The following MTX2 variants were observed in gnomAD, a reference collection of about 807,000 sequenced individuals.
The protein encoded by MTX2 is metaxin 2, also known as metaxin-2.
A neutral mutation model predicts 42.3 loss-of-function variants in MTX2; 35 were observed. That is an observed-to-expected ratio of 0.83 (90% CI 0.63 to 1.10). The LOEUF (loss-of-function observed/expected upper bound fraction) is 1.10. Ranked by LOEUF, MTX2 falls within the 50% of genes least tolerant of loss-of-function variation. The pLI is 0.00. For missense variants in MTX2, 307 were observed against 304.1 expected, an observed-to-expected ratio of 1.01 and a Z score of -0.07; for synonymous variants, 119 against 100.9, an observed-to-expected ratio of 1.18 and a Z score of -1.08.
At chr2:176,324,833 G>A (rs571257945) in intron 4 of MTX2, among the ~76,000 whole-genome samples, 1 of 151,702 alleles carries the variant, frequency 6.6e-6, no homozygotes, top group Non-Finnish European at 1.5e-5. Flanking sequence ...GATGAAAATG[G>A]CACTTTCTAC....
intron 1 of MTX2, among the ~76,000 whole-genome samples, chr2:176,274,882 A>G (rs1692910606): frequency 6.6e-6 from 1 of 152,180 alleles, no homozygotes; most frequent in African/African-American, 2.4e-5. Flanking sequence ...TAGAAAAGCT[A>G]GGAGGAAGTG....
At chr2:176,326,947 C>A in intron 5 of MTX2, 46 bp downstream of exon 5, 2 of 1,164,738 alleles carry the variant, frequency 1.7e-6, no homozygotes, top group Non-Finnish European at 2.5e-6. Flanking sequence ...CCAAGTCATT[C>A]ATCATTCTTT....
chr2:176,273,567 C>T (rs894277098), intron 1 of MTX2, among the ~76,000 whole-genome samples: 4 of 152,086 alleles, frequency 2.6e-5, no homozygotes, highest in Admixed American at 1.3e-4. Context: ...AGATATCTGG[C>T]ATCTCTCTGT....
chr2:176,313,386 T>TTG (rs1684362562), intron 3 of MTX2, among the ~76,000 whole-genome samples: 1 of 136,844 alleles, frequency 7.3e-6, no homozygotes, highest in South Asian at 2.4e-4. Flanking sequence ...TCTACACTGA[T>TTG]TCTTTTTTTT....
intron 9 of MTX2, among the ~76,000 whole-genome samples, chr2:176,331,439 C>A (rs1684861095): frequency 6.6e-6 from 1 of 150,956 alleles, no homozygotes; most frequent in South Asian, 2.1e-4. Flanking sequence ...TTAATAATTT[C>A]TAAAAGGCTT....
intron 1 of MTX2, among the ~76,000 whole-genome samples, chr2:176,277,949 G>C (rs1388829927): frequency 3.3e-5 from 5 of 151,578 alleles, no homozygotes; most frequent in African/African-American, 1.2e-4. Flanking sequence ...TGACAAAATA[G>C]GTTATACTTC....
In MTX2 at chr2:176,337,399, G is replaced by A. The variant is rs913991251; in HGVS notation, c.621-94G>A. 9.4e-6 allele frequency: 10 copies of A among 1,068,414 alleles called. No homozygotes were observed. The Middle Eastern group carries it at 6.5e-4, about 69-fold the overall frequency. 66.2% of individuals were successfully genotyped at this position (1,068,414 alleles called of 1,614,324 possible). A position where few individuals can be genotyped will look rare whatever the true frequency, so the allele number is the denominator to read the frequency against. On this transcript the variant is annotated intron_variant, in intron 9 of 9. Transcript: ENST00000249442. ...TGGATCTGAGGTTAGTTGAACCTAC[G>A]AGTATGGGACCTGTGGGTGAAGAGG...
rs76843892 is a variant in MTX2 at position 176,324,752 on chromosome 2, C to T, written c.208+1288C>T. On this transcript the variant is annotated intron_variant, in intron 4 of 9. Coordinates refer to ENST00000249442, the MANE Select transcript of MTX2 (RefSeq NM_006554.5). ...CCTATTTTCTTTTTATTAGATTGCG[C>T]GAAAGACAAACATAAATATTCTAGA... is the stretch of plus-strand genomic sequence containing the variant. Among the ~76,000 whole-genome samples, 1,328 of 151,508 alleles carry T rather than the reference C, an allele frequency of 8.8e-3. 23 individuals carry two copies. The highest frequency in any genetic ancestry group is 0.03 in the African/African-American group (1,247 of 41,422).
chr2:176,312,154 A>G (rs906096052), intron 3 of MTX2, among the ~76,000 whole-genome samples: 12 of 152,258 alleles, frequency 7.9e-5, no homozygotes, highest in African/African-American at 2.7e-4. Flanking sequence ...TGAACTTAAC[A>G]AGAGTTACAT....
chr2:176,324,625 G>A (rs1039120515), intron 4 of MTX2, among the ~76,000 whole-genome samples: 1 of 151,578 alleles, frequency 6.6e-6, no homozygotes, highest in Non-Finnish European at 1.5e-5. Flanking sequence ...TAGAAGGTTA[G>A]TAATCTAATG....
Position 176,337,845 on chromosome 2 carries a change from T to G in MTX2, c.*181T>G, listed in dbSNP as rs1685034556. The G allele has an allele frequency of 2.1e-6, 1 of 465,204 alleles. No individual in the cohort carries two copies. The highest frequency in any genetic ancestry group is 3.6e-6 in the Non-Finnish European group (1 of 280,442). The allele number at this position is 465,204 out of a possible 1,614,324, so 28.8% of individuals were successfully genotyped here. A position where few individuals can be genotyped will look rare whatever the true frequency, so the allele number is the denominator to read the frequency against. ...GTGTATACATTAAAATAATTCTGAA[T>G]TATTTAATCTGATATGTTGTATTCT... is the stretch of plus-strand genomic sequence containing the variant. On this transcript the variant is annotated 3_prime_UTR_variant, in exon 10 of 10. Coordinates refer to ENST00000249442, the MANE Select transcript of MTX2 (RefSeq NM_006554.5).
At chr2:176,301,852 A>C (rs139208610) in intron 3 of MTX2, among the ~76,000 whole-genome samples, 8 of 152,292 alleles carry the variant, frequency 5.3e-5, no homozygotes, top group Admixed American at 5.2e-4. Flanking sequence ...TCTTACCTCT[A>C]TAATATTATG....
intron 1 of MTX2, among the ~76,000 whole-genome samples, chr2:176,276,624 A>G (rs1692951960): frequency 6.6e-6 from 1 of 152,048 alleles, no homozygotes; most frequent in African/African-American, 2.4e-5. Flanking sequence ...GGTGGTAGAT[A>G]ATAAATGTTC....
Position 176,328,890 on chromosome 2 carries a change from G to A in MTX2, c.395G>A (p.Cys132Tyr), listed in dbSNP as rs761273365. 6.2e-7 allele frequency: 1 copy of A among 1,607,374 alleles called. No individual in the cohort carries two copies. Among genetic ancestry groups the A allele is most frequent in the Admixed American group, 1.7e-5 (1 of 59,702 alleles). Reference sequence around the variant, plus strand: ...TGTTCCTAGCTGTATCTTCAGTGGTGTGATGAAGCTACAGTAGGGGAGGTG... The same window carrying A: ...TGTTCCTAGCTGTATCTTCAGTGGTATGATGAAGCTACAGTAGGGGAGGTG... ...LLTAELYLQWCDEATVGEITH... is the reference protein window; with the variant it reads ...LLTAELYLQWYDEATVGEITH... The change falls in exon 7 of 10, where the codon TGT (cysteine) becomes TAT (tyrosine). Residue 132 changes from cysteine (C) to tyrosine (Y), a missense_variant. Cys to Tyr is a radical substitution (Grantham distance 194). Transcript: ENST00000249442.
chr2:176,329,307 C>T lies in MTX2; in HGVS notation c.424C>T (p.His142Tyr). Residue 142 changes from histidine to tyrosine, a missense_variant, in exon 8 of 10, where the codon CAT becomes TAT. Coordinates refer to ENST00000249442, the MANE Select transcript of MTX2 (RefSeq NM_006554.5). ...CAAAATCTTTTTACTTTAGATCACT[C>T]ATGCTAGGTATGGATCTCCTTACCC... The part of the protein sequence containing the change: ...CDEATVGEIT[H>Y]ARYGSPYPWP... The T allele has an allele frequency of 6.2e-7, 1 of 1,603,840 alleles. No individual in the cohort carries two copies.
chr2:176,275,645 C>G (rs775733037), intron 1 of MTX2, among the ~76,000 whole-genome samples: 1 of 151,962 alleles, frequency 6.6e-6, no homozygotes, highest in Non-Finnish European at 1.5e-5. Flanking sequence ...AGAGATTTTT[C>G]AATACATTAC....
At chr2:176,337,126 C>G (rs760926096) in intron 9 of MTX2, among the ~76,000 whole-genome samples, 3 of 152,134 alleles carry the variant, frequency 2.0e-5, no homozygotes, top group Non-Finnish European at 4.4e-5. Flanking sequence ...ACTGCAACCT[C>G]CACCTCCCGG....
intron 3 of MTX2, among the ~76,000 whole-genome samples, chr2:176,302,541 A>G (rs1437063957): frequency 6.6e-6 from 1 of 151,992 alleles, no homozygotes; most frequent in African/African-American, 2.4e-5. Context: ...GGTTCAAGTG[A>G]TTCTCCCACC....
At chr2:176,294,754 G>A (rs7576210) in intron 1 of MTX2, among the ~76,000 whole-genome samples, 1,602 of 152,128 alleles carry the variant, frequency 0.011, 28 homozygotes, top group African/African-American at 0.037. Flanking sequence ...GCAGTTTTTG[G>A]CATATCGTTT....
Sources: gnomAD v4.1 joint callset for allele counts (sites outside exome capture counted in the v4.1 genomes callset) on GRCh38, gnomAD v4.1.1 for gene constraint, MANE v1.5 for transcripts, NCBI Gene and HGNC (gene_info 2026-07-23, HGNC 2026-07-21) for gene names.